Variants in FAM53A observed in about 807,000 individuals in gnomAD.
FAM53A encodes family with sequence similarity 53 member A, also known as protein FAM53A.
A neutral mutation model predicts 26.6 loss-of-function variants in FAM53A; 28 were observed. That is an observed-to-expected ratio of 1.05 (90% CI 0.78 to 1.45). FAM53A has a LOEUF of 1.45. Ranked by LOEUF, FAM53A falls within the 40% of genes most tolerant of loss-of-function variation. The pLI, the probability that FAM53A is intolerant of heterozygous loss-of-function variation, is 0.00. For synonymous variants in FAM53A, 290 were observed against 253.1 expected, an observed-to-expected ratio of 1.15 and a Z score of -1.38; for missense variants, 650 against 575.8, an observed-to-expected ratio of 1.13 and a Z score of -1.32.
chr4:1,607,445 C>T, the FAM53A span, among the ~76,000 whole-genome samples: 4 of 152,086 alleles, frequency 2.6e-5, no homozygotes, highest in South Asian at 6.2e-4. Flanking sequence ...GGACCTCGTG[C>T]CATTCACCCA....
At chr4:1,611,990 G>T in the FAM53A span, among the ~76,000 whole-genome samples, 2 of 152,334 alleles carry the variant, frequency 1.3e-5, no homozygotes, top group South Asian at 4.2e-4. Context: ...CTAAACTGCG[G>T]AATCGATGGA....
intron 1 of FAM53A, among the ~76,000 whole-genome samples, chr4:1,626,697 C>T (rs956244651): frequency 1.3e-5 from 2 of 150,058 alleles, no homozygotes; most frequent in Admixed American, 1.3e-4. Flanking sequence ...CGGGACAGTG[C>T]AGACTCTCAG....
upstream of FAM53A, among the ~76,000 whole-genome samples, chr4:1,685,327 C>G (rs1182585931): frequency 6.6e-6 from 1 of 152,088 alleles, no homozygotes; most frequent in Non-Finnish European, 1.5e-5. Flanking sequence ...CCATGTGCGT[C>G]CCCTGAGGGT....
At chr4:1,626,922 C>G (rs780711167) in intron 1 of FAM53A, among the ~76,000 whole-genome samples, 3 of 152,168 alleles carry the variant, frequency 2.0e-5, no homozygotes, top group Non-Finnish European at 4.4e-5. Context: ...AGCCCTCCCC[C>G]AGCCTCCAGA....
intron 2 of FAM53A, among the ~76,000 whole-genome samples, chr4:1,660,837 C>T (rs1379351564): frequency 2.0e-5 from 3 of 151,410 alleles, no homozygotes; most frequent in African/African-American, 7.3e-5. Flanking sequence ...GCGGAGATCA[C>T]GCCTCTGCAC....
At chr4:1,578,867 G>A in the FAM53A span, among the ~76,000 whole-genome samples, 1 of 43,098 alleles carries the variant, frequency 2.3e-5, no homozygotes, top group Non-Finnish European at 5.0e-5. Flanking sequence ...GAGGGGGAGG[G>A]GAGAGAAGAG....
chr4:1,644,320 C>T (rs1712038410), intron 4 of FAM53A: 1 of 1,535,926 alleles, frequency 6.5e-7, no homozygotes, highest in Non-Finnish European at 8.7e-7. Context: ...GCGGGACTCG[C>T]ACTCGCGGGC....
At chr4:1,578,979 G>A in the FAM53A span, among the ~76,000 whole-genome samples, 1 of 151,012 alleles carries the variant, frequency 6.6e-6, no homozygotes, top group Non-Finnish European at 1.5e-5. Context: ...GGGAAAGGGC[G>A]CGGCCCGGCT....
At chr4:1,611,576 C>A in the FAM53A span, among the ~76,000 whole-genome samples, 1 of 152,234 alleles carries the variant, frequency 6.6e-6, no homozygotes, top group Non-Finnish European at 1.5e-5. Flanking sequence ...CCCTGCTGGG[C>A]CTCCAGACAC....
chr4:1,580,749 C>T, the FAM53A span, among the ~76,000 whole-genome samples: 10 of 142,060 alleles, frequency 7.0e-5, no homozygotes, highest in Non-Finnish European at 1.2e-4. Context: ...TCCTGCCTCC[C>T]GTCCAGGTCC....
the FAM53A span, among the ~76,000 whole-genome samples, chr4:1,586,738 G>A: frequency 6.0e-4 from 88 of 146,778 alleles, 1 homozygote; most frequent in African/African-American, 1.9e-3. Flanking sequence ...AGCCAAGATC[G>A]CGCCACTGCA....
intron 1 of FAM53A, among the ~76,000 whole-genome samples, chr4:1,678,947 A>G (rs907201761): frequency 6.6e-6 from 1 of 152,230 alleles, no homozygotes; most frequent in African/African-American, 2.4e-5. Flanking sequence ...AAAAATATAG[A>G]TGACTTTGGG....
the FAM53A span, chr4:1,580,230 C>G: frequency 6.6e-6 from 1 of 152,214 alleles, no homozygotes; most frequent in Non-Finnish European, 1.5e-5. Context: ...GGAGTGCGAG[C>G]CGGGAGCTGC....
At chr4:1,618,133 G>A (rs1433778579) in intron 1 of FAM53A, 3 of 456,358 alleles carry the variant, frequency 6.6e-6, no homozygotes, top group African/African-American at 6.0e-5. Context: ...ACAGAGGCAG[G>A]TGAGTGCTGC....
chr4:1,680,318 T>C (rs1208442334), intron 1 of FAM53A, among the ~76,000 whole-genome samples: 2 of 8,322 alleles, frequency 2.4e-4, no homozygotes, highest in Admixed American at 2.5e-3. Context: ...AAACTCCGTC[T>C]CAAAAAAAAA....
In FAM53A at chr4:1,644,269, G is replaced by A. The variant is rs745985389; in HGVS notation, c.883-2662C>T. 1.4e-5 allele frequency: 22 copies of A among 1,535,878 alleles called. 1 individual carries two copies. Among genetic ancestry groups the A allele is most frequent in the South Asian group, 5.9e-5 (5 of 84,070 alleles). ...AGTCGACCCTCTGGACTGACTGCTC[G>A]GACCCGACAGATGCTGTAAGCTCAC... On this transcript the variant is annotated intron_variant, in intron 4 of 4. Transcript: ENST00000308132.
intron 1 of FAM53A, among the ~76,000 whole-genome samples, chr4:1,623,737 C>T (rs934167172): frequency 1.3e-5 from 2 of 152,250 alleles, no homozygotes; most frequent in Non-Finnish European, 2.9e-5. Flanking sequence ...CGCCGCGGAT[C>T]GGACGTTACC....
chr4:1,656,133 A>G (rs555838497), intron 3 of FAM53A, among the ~76,000 whole-genome samples: 2 of 152,294 alleles, frequency 1.3e-5, no homozygotes, highest in African/African-American at 4.8e-5. Flanking sequence ...CCCTTCTTAA[A>G]GCAGCTCAGG....
At position 1,655,654 on chromosome 4, in the gene FAM53A, A is replaced by C. The variant is rs747554055; in HGVS notation, c.206T>G (p.Phe69Cys). Residue 69 changes from phenylalanine (F) to cysteine (C), a missense_variant, in exon 4 of 5, where the codon TTC (phenylalanine) becomes TGC (cysteine). Transcript: ENST00000308132. Reference protein sequence around the residue: ...VRSQAATGPDFSFLPGLSAAA... With the variant: ...VRSQAATGPDCSFLPGLSAAA... ...AGCAGACAGGCCCGGCAGGAAGGAG[A>C]AATCAGGGCCCGTGGCTGCCTGGCT... The C allele has an allele frequency of 6.8e-5, 109 of 1,596,588 alleles. No individual in the cohort carries two copies. The highest frequency in any genetic ancestry group is 5.0e-4 in the Middle Eastern group (3 of 6,042).
Sources: allele counts gnomAD v4.1 joint callset (sites outside exome capture counted in the v4.1 genomes callset), GRCh38; gene constraint gnomAD v4.1.1; transcripts MANE v1.5; gene names NCBI Gene and HGNC (gene_info 2026-07-23, HGNC 2026-07-21).